The following MME variants were observed in gnomAD, a reference collection of about 807,000 sequenced individuals.
The protein encoded by MME is neprilysin.
In MME, 98 loss-of-function variants were observed where a neutral mutation model predicts 113.2. That is an observed-to-expected ratio of 0.87 (90% CI 0.74 to 1.02). MME has a LOEUF of 1.02. Ranked by LOEUF, MME falls within the 50% of genes least tolerant of loss-of-function variation. The probability of loss-of-function intolerance (pLI) is 0.00; values close to 1 mark genes in which losing one functional copy is unlikely to be tolerated. For missense variants in MME, 836 were observed against 896.0 expected (o/e 0.93, Z 0.86); for synonymous variants, 292 against 300.6 (o/e 0.97, Z 0.30).
intron 1 of MME, among the ~76,000 whole-genome samples, chr3:155,069,969 G>A (rs576213291): frequency 2.4e-4 from 37 of 152,148 alleles, no homozygotes; most frequent in Non-Finnish European, 2.2e-4. Context: ...GGAACAGGAA[G>A]AGATTGTTTT....
intron 1 of MME, among the ~76,000 whole-genome samples, chr3:155,070,583 G>A (rs1019740125): frequency 1.1e-4 from 17 of 151,874 alleles, no homozygotes; most frequent in Admixed American, 3.9e-4. Flanking sequence ...GGATTGGTAC[G>A]GTATAAAGCA....
In MME at chr3:155,115,159, A is replaced by G. The variant is rs775796508; in HGVS notation, c.358+4A>G. ...GAACTAGAAGTCGTTTTGAAAGGTTAGTAGAGATTGTGTCTGTGCATCAAA... is the reference window on the plus strand; with the variant it reads ...GAACTAGAAGTCGTTTTGAAAGGTTGGTAGAGATTGTGTCTGTGCATCAAA... On this transcript the variant is annotated splice_donor_region_variant and intron_variant, in intron 4 of 22. Coordinates refer to ENST00000360490, the MANE Select transcript of MME (RefSeq NM_007289.4). 6 of 1,613,912 alleles carry G rather than the reference A, an allele frequency of 3.7e-6. No homozygotes were observed. Among genetic ancestry groups the G allele is most frequent in the Non-Finnish European group, 5.1e-6 (6 of 1,179,900 alleles).
rs757167723 is a variant in MME, at chr3:155,168,637, G to A, written c.1914+12G>A. 1.9e-6 allele frequency: 3 copies of A among 1,613,724 alleles called. No individual in the cohort carries two copies. Among genetic ancestry groups the A allele is most frequent in the South Asian group, 2.2e-5 (2 of 91,066 alleles). Reference sequence around the variant, plus strand: ...CAGGTGGACAGCACGTATGTCATTAGCATTCTCTTGAAAAGTTTTAGACAT... The same window carrying A: ...CAGGTGGACAGCACGTATGTCATTAACATTCTCTTGAAAAGTTTTAGACAT... On this transcript the variant is annotated intron_variant, in intron 19 of 22. Transcript: ENST00000360490.
chr3:155,117,887 C>G (rs1807004), intron 7 of MME, among the ~76,000 whole-genome samples: 101,542 of 151,898 alleles, frequency 0.67, 34,089 homozygotes, highest in South Asian at 0.75. Context: ...GTTTTCTTTT[C>G]TATTGGCCTA....
At chr3:155,063,587 TAATA>T (rs1173063783) in intron 1 of MME, among the ~76,000 whole-genome samples, 1 of 89,282 alleles carries the variant, frequency 1.1e-5, no homozygotes, top group African/African-American at 3.5e-5. Flanking sequence ...TTAATATATA[TAATA>T]AATATATTAT....
At chr3:155,054,205 T>G (rs898787781) in intron 1 of MME, among the ~76,000 whole-genome samples, 2 of 152,236 alleles carry the variant, frequency 1.3e-5, no homozygotes, top group Non-Finnish European at 2.9e-5. Context: ...ATTTCAACTA[T>G]TGGATTTTTT....
intron 1 of MME, among the ~76,000 whole-genome samples, chr3:155,069,023 T>G (rs1183625159): frequency 6.6e-6 from 1 of 152,132 alleles, no homozygotes; most frequent in African/African-American, 2.4e-5. Flanking sequence ...CAAGCCTAGA[T>G]GAACTGGAAC....
chr3:155,124,710 T>C (rs1278686783), intron 8 of MME, among the ~76,000 whole-genome samples: 10 of 150,020 alleles, frequency 6.7e-5, no homozygotes, highest in South Asian at 4.2e-4. Flanking sequence ...TGCTGGGGGG[T>C]GCCTCCCAGT....
chr3:155,118,058 G>A (rs772665638), intron 7 of MME, among the ~76,000 whole-genome samples: 11 of 152,120 alleles, frequency 7.2e-5, no homozygotes, highest in African/African-American at 2.2e-4. Context: ...ACACGTTAGC[G>A]CAAAACTGAG....
At position 155,164,845 on chromosome 3, in the gene MME, G is replaced by A. The variant is rs551464966; in HGVS notation, c.1661-2057G>A. ...AAGACAAAAGTACTTTTTTGTTGTC[G>A]TGTCATTTGAATGTTATGGCAACTT... On this transcript the variant is annotated intron_variant, in intron 17 of 22. Transcript: ENST00000360490. Among the ~76,000 whole-genome samples, 29 of 152,216 alleles carry A rather than the reference G, an allele frequency of 1.9e-4. No individual in the cohort carries two copies. The East Asian group carries it at 3.1e-3, about 16-fold the overall frequency.
At chr3:155,112,041 C>A (rs946502602) in intron 3 of MME, among the ~76,000 whole-genome samples, 1 of 143,662 alleles carries the variant, frequency 7.0e-6, no homozygotes, top group East Asian at 2.1e-4. Flanking sequence ...ATTGCTTTTT[C>A]TCTCTACCTT....
chr3:155,172,215 A>G lies in MME; in HGVS notation c.2076+3A>G, dbSNP rs1339057934. On this transcript the variant is annotated splice_donor_region_variant and intron_variant, in intron 21 of 22. Transcript: ENST00000360490. ...TATTTTTCTTGAACTTTGCACAGGTATTGTGTCTTTCTTGATTGATAGATA... is the reference window on the plus strand; with the variant it reads ...TATTTTTCTTGAACTTTGCACAGGTGTTGTGTCTTTCTTGATTGATAGATA... 2.5e-6 allele frequency: 4 copies of G among 1,582,982 alleles called. No individual in the cohort carries two copies. Among genetic ancestry groups the G allele is most frequent in the Non-Finnish European group, 2.6e-6 (3 of 1,152,082 alleles).
intron 17 of MME, among the ~76,000 whole-genome samples, chr3:155,160,874 T>A (rs989180225): frequency 1.3e-5 from 2 of 152,090 alleles, no homozygotes; most frequent in Non-Finnish European, 2.9e-5. Context: ...CAATTCTGTA[T>A]GCTGGCTCTG....
chr3:155,122,390 TG>T (rs1307420001), intron 8 of MME, among the ~76,000 whole-genome samples: 4 of 137,508 alleles, frequency 2.9e-5, no homozygotes, highest in Non-Finnish European at 6.3e-5. Flanking sequence ...ATTAATTTTT[TG>T]AAGGGTTTTT....
intron 8 of MME, among the ~76,000 whole-genome samples, chr3:155,136,311 T>A (rs1720631159): frequency 6.6e-6 from 1 of 152,154 alleles, no homozygotes; most frequent in East Asian, 1.9e-4. Context: ...TTTTGAGGTA[T>A]GTTTCTGCAA....
At chr3:155,170,260 G>C (rs1217957389) in intron 20 of MME, among the ~76,000 whole-genome samples, 2 of 152,150 alleles carry the variant, frequency 1.3e-5, no homozygotes, top group Admixed American at 1.3e-4. Context: ...GGCCAGGCTG[G>C]TCTCAAACTC....
intron 3 of MME, among the ~76,000 whole-genome samples, chr3:155,092,471 T>C (rs1402069657): frequency 1.3e-5 from 2 of 152,226 alleles, no homozygotes; most frequent in African/African-American, 4.8e-5. Context: ...ATATATACTT[T>C]CCATACAACC....
At chr3:155,175,768 G>A (rs1337968293) in intron 22 of MME, among the ~76,000 whole-genome samples, 3 of 118,472 alleles carry the variant, frequency 2.5e-5, no homozygotes, top group Non-Finnish European at 1.7e-5. Flanking sequence ...GTTTTATATA[G>A]ACATGTCAAC....
rs1435632211 is a variant in MME at position 155,124,773 on chromosome 3, G to C, written c.720+5962G>C. The stretch of plus-strand genomic sequence containing the variant: ...GACCCACTTGAGGAGGCAGTCTGCC[G>C]GTTCTCAGATCTCCAGCTGTGTGCT... On this transcript the variant is annotated intron_variant, in intron 8 of 22. Transcript: ENST00000360490. 5.4e-3 allele frequency among the ~76,000 whole-genome samples: 808 copies of C among 149,730 alleles called. 2 individuals carry two copies. The highest frequency in any genetic ancestry group is 0.025 in the Middle Eastern group (7 of 284).
Sources: gnomAD v4.1 joint callset for allele counts (sites outside exome capture counted in the v4.1 genomes callset) on GRCh38, gnomAD v4.1.1 for gene constraint, MANE v1.5 for transcripts, NCBI Gene and HGNC (gene_info 2026-07-23, HGNC 2026-07-21) for gene names.